Variants in MEGF10 observed in about 807,000 individuals in gnomAD.
MEGF10 encodes multiple EGF like domains 10.
In MEGF10, 86 loss-of-function variants were observed where a neutral mutation model predicts 147.5. The ratio of observed to expected loss-of-function variants is 0.58; its 90% confidence interval spans 0.49 to 0.70. The LOEUF (loss-of-function observed/expected upper bound fraction) is 0.70, where lower values mean the gene tolerates loss of function less well. Among genes scored for constraint, MEGF10 ranks in the 30% least tolerant of loss-of-function variants. The probability of loss-of-function intolerance (pLI) is 0.00; values close to 1 mark genes in which losing one functional copy is unlikely to be tolerated. For missense variants in MEGF10, 1,329 were observed against 1,487.3 expected (o/e 0.89, Z 1.75); for synonymous variants, 478 against 525.5 (o/e 0.91, Z 1.24).
the MEGF10 span, among the ~76,000 whole-genome samples, chr5:127,238,029 CTATATA>C: frequency 5.4e-3 from 758 of 139,110 alleles, 10 homozygotes; most frequent in East Asian, 0.026. Context: ...AAACTTCAGA[CTATATA>C]TATATATATA....
intron 13 of MEGF10, among the ~76,000 whole-genome samples, 167 bp downstream of exon 13, chr5:127,422,939 T>C (rs895857853): frequency 6.6e-6 from 1 of 152,238 alleles, no homozygotes; most frequent in Non-Finnish European, 1.5e-5. Flanking sequence ...CCAGGACTGA[T>C]TTTTTGTTGA....
the MEGF10 span, among the ~76,000 whole-genome samples, chr5:127,275,607 T>C: frequency 1.3e-5 from 2 of 152,180 alleles, no homozygotes; most frequent in South Asian, 4.1e-4. Flanking sequence ...AATTTATCTT[T>C]AAGATGGAGA....
chr5:127,368,498 C>T (rs1338295110), intron 4 of MEGF10, among the ~76,000 whole-genome samples: 4 of 152,132 alleles, frequency 2.6e-5, no homozygotes, highest in Admixed American at 6.6e-5. Flanking sequence ...CTGTTCCTAG[C>T]GAATTCTCAC....
At chr5:127,384,946 G>T (rs560963506) in intron 5 of MEGF10, among the ~76,000 whole-genome samples, 1 of 152,154 alleles carries the variant, frequency 6.6e-6, no homozygotes, top group Non-Finnish European at 1.5e-5. Context: ...AGCCTGAAGC[G>T]CAAGGAATGA....
chr5:127,319,145 G>A (rs930615684), intron 1 of MEGF10, among the ~76,000 whole-genome samples: 1 of 148,874 alleles, frequency 6.7e-6, no homozygotes, highest in African/African-American at 2.5e-5. Flanking sequence ...GTATGATCTC[G>A]GCTCACTGCA....
chr5:127,231,712 G>A, the MEGF10 span, among the ~76,000 whole-genome samples: 1 of 152,220 alleles, frequency 6.6e-6, no homozygotes, highest in Non-Finnish European at 1.5e-5. Context: ...TTGAATAAAT[G>A]ACCAAATGAG....
At position 127,334,066 on chromosome 5, in the gene MEGF10, G is replaced by A. The variant is rs78887584; in HGVS notation, c.116+2642G>A. Among the ~76,000 whole-genome samples the A allele has an allele frequency of 7.9e-5, 12 of 152,228 alleles. No individual in the cohort carries two copies. In the East Asian group the frequency reaches 2.3e-3, roughly 29 times the overall value. On this transcript the variant is annotated intron_variant, in intron 2 of 24. Coordinates refer to ENST00000503335, the MANE Select transcript of MEGF10 (RefSeq NM_001256545.2). ...ATTTCTAGAAGAAAGGTAAAAGAAA[G>A]TAGAATTGTTTTGATAAGAATGGGG...
At chr5:127,326,587 C>T (rs1761045082) in intron 1 of MEGF10, among the ~76,000 whole-genome samples, 1 of 152,302 alleles carries the variant, frequency 6.6e-6, no homozygotes, top group Non-Finnish European at 1.5e-5. Context: ...CATTGCTTCT[C>T]TGTTCACGGC....
the MEGF10 span, among the ~76,000 whole-genome samples, chr5:127,243,577 T>C: frequency 6.6e-6 from 1 of 152,220 alleles, no homozygotes; most frequent in African/African-American, 2.4e-5. Flanking sequence ...GAATCTTTTG[T>C]AACAAAGATG....
At chr5:127,404,946 G>T (rs993111707) in intron 8 of MEGF10, among the ~76,000 whole-genome samples, 3 of 152,040 alleles carry the variant, frequency 2.0e-5, no homozygotes, top group Admixed American at 2.0e-4. Flanking sequence ...GAACTCCTGA[G>T]CTCAGGCAAT....
At chr5:127,420,453 C>T (rs1274981901) in intron 12 of MEGF10, among the ~76,000 whole-genome samples, 1 of 151,950 alleles carries the variant, frequency 6.6e-6, no homozygotes, top group Non-Finnish European at 1.5e-5. Flanking sequence ...GTTCAGTTTC[C>T]TCAACCCCCA....
At chr5:127,380,424 T>TCA (rs1488869277) in intron 5 of MEGF10, among the ~76,000 whole-genome samples, 3 of 152,106 alleles carry the variant, frequency 2.0e-5, no homozygotes, top group Non-Finnish European at 4.4e-5. Context: ...TGATGCGAAG[T>TCA]CCTTCCTTCA....
chr5:127,418,757 T>C (rs1036432040), intron 10 of MEGF10, among the ~76,000 whole-genome samples: 2 of 152,250 alleles, frequency 1.3e-5, no homozygotes, highest in Admixed American at 1.3e-4. Context: ...TTTATATTGA[T>C]GTTTATTTAT....
At position 127,363,309 on chromosome 5, in the gene MEGF10, A is replaced by T. The variant is rs1360722532; in HGVS notation, c.320-6601A>T. Among the ~76,000 whole-genome samples, 3 of 152,244 alleles carry T rather than the reference A, an allele frequency of 2.0e-5. No homozygotes were observed. The East Asian group carries it at 5.8e-4, about 29-fold the overall frequency. On this transcript the variant is annotated intron_variant, in intron 4 of 24. Transcript: ENST00000503335. ...AGATTTGAAAAATAGAAACATATAC[A>T]TAATAAGGATCCTTATGTCATGATA...
chr5:127,424,324 G>A (rs1401319711), intron 13 of MEGF10: 2 of 705,418 alleles, frequency 2.8e-6, no homozygotes, highest in Non-Finnish European at 5.2e-6. Flanking sequence ...TTTTAAATTG[G>A]TTTTTCTTTT....
chr5:127,456,097 A>G (rs1434970587), intron 24 of MEGF10, among the ~76,000 whole-genome samples: 1 of 152,142 alleles, frequency 6.6e-6, no homozygotes, highest in African/African-American at 2.4e-5. Flanking sequence ...ACCATAGTGA[A>G]TATTTTGGCA....
intron 10 of MEGF10, among the ~76,000 whole-genome samples, chr5:127,418,899 A>T (rs1366590582): frequency 6.6e-6 from 1 of 152,124 alleles, no homozygotes; most frequent in Admixed American, 6.5e-5. Flanking sequence ...GCTTTTTTGG[A>T]TCCCATTTAA....
intron 1 of MEGF10, among the ~76,000 whole-genome samples, chr5:127,328,854 T>C (rs992329127): frequency 6.6e-6 from 1 of 152,164 alleles, no homozygotes; most frequent in African/African-American, 2.4e-5. Flanking sequence ...GATAAAGCAA[T>C]GAGACAAGGA....
At chr5:127,424,532 G>A (rs769240878) in intron 13 of MEGF10, 1 of 1,426,564 alleles carries the variant, frequency 7.0e-7, no homozygotes, top group African/African-American at 1.4e-5. Context: ...CTCTTCAGTA[G>A]TGTCTCTCAG....
Sources: allele counts gnomAD v4.1 joint callset (sites outside exome capture counted in the v4.1 genomes callset), GRCh38; gene constraint gnomAD v4.1.1; transcripts MANE v1.5; gene names NCBI Gene and HGNC (gene_info 2026-07-23, HGNC 2026-07-21).